AP2A1: variants seen among roughly 807,000 people sequenced by gnomAD.
AP2A1 encodes the protein adaptor related protein complex 2 subunit alpha 1.
A neutral mutation model predicts 107.3 loss-of-function variants in AP2A1; 21 were observed. The ratio of observed to expected loss-of-function variants is 0.20; its 90% CI spans 0.14 to 0.28. The LOEUF is 0.28. Among genes scored for constraint, AP2A1 ranks in the 10% least tolerant of loss-of-function variants. The pLI is 1.00. For synonymous variants in AP2A1, 602 were observed against 564.8 expected (o/e 1.07, Z -0.93); for missense variants, 873 against 1,307.7 (o/e 0.67, Z 5.13).
intron 1 of AP2A1, among the ~76,000 whole-genome samples, chr19:49,775,321 A>T (rs773220061): frequency 6.6e-6 from 1 of 152,130 alleles, no homozygotes; most frequent in Non-Finnish European, 1.5e-5. Flanking sequence ...TCAGTGTGTA[A>T]CCAGTGTTTT....
intron 1 of AP2A1, among the ~76,000 whole-genome samples, chr19:49,769,851 A>G (rs764269825): frequency 6.6e-6 from 1 of 152,048 alleles, no homozygotes; most frequent in Non-Finnish European, 1.5e-5. Context: ...CAGGGTGAGA[A>G]GGGACTGGTG....
chr19:49,794,191 C>T (rs575256114), intron 6 of AP2A1, among the ~76,000 whole-genome samples: 150 of 150,978 alleles, frequency 9.9e-4, no homozygotes, highest in Non-Finnish European at 1.8e-3. Flanking sequence ...TGAGCCACTG[C>T]GCCTGGCCCA....
chr19:49,803,002 ATAAG>A lies in AP2A1; in HGVS notation c.2170_2171+2del. On this transcript the variant is annotated splice_donor_variant and coding_sequence_variant, in exon 16 of 23. Transcript: ENST00000354293. LOFTEE classifies it high-confidence loss of function. Reference sequence around the variant, plus strand: ...ATTCCGGAAGCCGATGAGTTGCTGAATAAGTGAGTCCTGGGAGTGGTGGGGGAGG... The same window carrying A: ...ATTCCGGAAGCCGATGAGTTGCTGAATGAGTCCTGGGAGTGGTGGGGGAGG... 1 of 1,613,752 alleles carries A rather than the reference ATAAG, an allele frequency of 6.2e-7. No homozygotes were observed. Among genetic ancestry groups the A allele is most frequent in the Non-Finnish European group, 8.5e-7 (1 of 1,179,804 alleles).
intron 7 of AP2A1, 111 bp downstream of exon 7, chr19:49,795,849 C>T: frequency 1.1e-6 from 1 of 872,160 alleles, no homozygotes; most frequent in Non-Finnish European, 1.8e-6. Context: ...CAGGATTTCT[C>T]TGAAGCTGGG....
chr19:49,782,427 G>C, intron 3 of AP2A1, 104 bp from the exon 4 acceptor site: 13 of 1,264,620 alleles, frequency 1.0e-5, no homozygotes, highest in Non-Finnish European at 1.4e-5. Context: ...CTGGACTCCT[G>C]GGTCTGAGGT....
chr19:49,790,218 T>C (rs2073124976), intron 4 of AP2A1, among the ~76,000 whole-genome samples: 1 of 152,188 alleles, frequency 6.6e-6, no homozygotes, highest in African/African-American at 2.4e-5. Context: ...CCTGCTTTCC[T>C]TGGCTCGTGG....
intron 1 of AP2A1, 38 bp downstream of exon 1, chr19:49,767,238 A>G (rs1568571283): frequency 2.1e-5 from 32 of 1,531,694 alleles, no homozygotes; most frequent in Admixed American, 1.0e-4. Flanking sequence ...GACGCGGGGG[A>G]GGGGGGAGCG....
intron 1 of AP2A1, among the ~76,000 whole-genome samples, chr19:49,769,002 C>T (rs1401336977): frequency 6.6e-6 from 1 of 152,158 alleles, no homozygotes. Flanking sequence ...GTCATCCCAG[C>T]ACTTTGGGGG....
intron 4 of AP2A1, among the ~76,000 whole-genome samples, chr19:49,784,142 A>G (rs911254262): frequency 6.6e-6 from 1 of 152,260 alleles, no homozygotes; most frequent in Non-Finnish European, 1.5e-5. Flanking sequence ...GAAATAAAAC[A>G]GAAGGCCGGG....
At chr19:49,778,633 C>T (rs1263479980) in intron 1 of AP2A1, among the ~76,000 whole-genome samples, 1 of 151,972 alleles carries the variant, frequency 6.6e-6, no homozygotes, top group African/African-American at 2.4e-5. Flanking sequence ...TGTAGGCAAC[C>T]GTGACTCAGT....
chr19:49,785,990 G>A lies in AP2A1; in HGVS notation c.473+3266G>A, dbSNP rs2084732464. Among the ~76,000 whole-genome samples the A allele has an allele frequency of 6.6e-6, 1 of 152,090 alleles. No individual in the cohort carries two copies. Among genetic ancestry groups the A allele is most frequent in the Non-Finnish European group, 1.5e-5 (1 of 68,016 alleles). On this transcript the variant is annotated intron_variant, in intron 4 of 22. Transcript: ENST00000354293. The surrounding 1 kb of genome is among the most constrained non-coding windows in gnomAD (Gnocchi z 4.1). ...AGCTACTCAGGAGGCTGAGGCAGGA[G>A]AATCGCATAAACCCGGGGGGCAGAG...
At chr19:49,803,441 C>G in intron 18 of AP2A1, 65 bp downstream of exon 18, 1 of 1,362,914 alleles carries the variant, frequency 7.3e-7, no homozygotes, top group Non-Finnish European at 1.0e-6. Context: ...CGTGGGGAAG[C>G]CGGCTGACCC....
Position 49,802,020 on chromosome 19 carries a change from G to A in AP2A1, c.1993G>A (p.Ala665Thr). Residue 665 changes from alanine to threonine, a missense_variant, in exon 15 of 23, where the codon GCA becomes ACA. Coordinates refer to ENST00000354293, the MANE Select transcript of AP2A1 (RefSeq NM_130787.3). ...CTCCGCCGACCTCCTGGGGCTGCGGGCAGCCCCTCCCCCGGCAGCACCCCC... is the reference window on the plus strand; with the variant it reads ...CTCCGCCGACCTCCTGGGGCTGCGGACAGCCCCTCCCCCGGCAGCACCCCC... ...SPSADLLGLR[A>T]APPPAAPPAS... 6.4e-7 allele frequency: 1 copy of A among 1,558,736 alleles called. No individual in the cohort carries two copies.
chr19:49,776,634 G>A (rs1373950155), intron 1 of AP2A1, among the ~76,000 whole-genome samples: 2 of 93,204 alleles, frequency 2.1e-5, no homozygotes, highest in African/African-American at 3.8e-5. Flanking sequence ...CATTCCCCCT[G>A]TTGCTGGCCC....
At chr19:49,787,356 T>TTTTTTTTTTTTTG (rs2084754148) in intron 4 of AP2A1, among the ~76,000 whole-genome samples, 1 of 126,690 alleles carries the variant, frequency 7.9e-6, no homozygotes, top group Non-Finnish European at 1.6e-5. Flanking sequence ...TGTTTTTTGT[T>TTTTTTTTTTTTTG]TTTTTTTTTT....
rs956804227 is a variant in AP2A1, at chr19:49,793,898, CTTTTTTTTTTT to C, written c.705+823_705+833del. On this transcript the variant is annotated intron_variant, in intron 6 of 22. Transcript: ENST00000354293. ...CAGCTCGTGCATCCACTCATTGTTT[CTTTTTTTTTTT>C]TTTTTTTTTTTTTTTTGAGACGGAG... 1.2e-3 allele frequency among the ~76,000 whole-genome samples: 92 copies of C among 74,582 alleles called. 2 individuals carry two copies. In the Middle Eastern group the frequency reaches 0.029, roughly 23 times the overall value. 48.9% of individuals were successfully genotyped at this position (74,582 alleles called of 152,430 possible). A position where few individuals can be genotyped will look rare whatever the true frequency, so the allele number is the denominator to read the frequency against.
In AP2A1 at chr19:49,788,686, A is replaced by G. The variant is rs985010860; in HGVS notation, c.474-3249A>G. On this transcript the variant is annotated intron_variant, in intron 4 of 22. Transcript: ENST00000354293. The surrounding 1 kb of genome is among the most constrained non-coding windows in gnomAD (Gnocchi z 4.5). Reference sequence around the variant, plus strand: ...CATGACAGAGATGGGAAGGTGGCCCAGAGTCAGGGCTCGGGAGATGCGCGC... The same window carrying G: ...CATGACAGAGATGGGAAGGTGGCCCGGAGTCAGGGCTCGGGAGATGCGCGC... Among the ~76,000 whole-genome samples the G allele has an allele frequency of 6.8e-6, 1 of 146,854 alleles. No homozygotes were observed. Among genetic ancestry groups the G allele is most frequent in the Non-Finnish European group, 1.5e-5 (1 of 66,952 alleles).
At chr19:49,795,605 C>CAA in intron 6 of AP2A1, 25 bp from the exon 7 acceptor site, 1 of 812,236 alleles carries the variant, frequency 1.2e-6, no homozygotes, top group Non-Finnish European at 1.9e-6. Context: ...CAGCCCCCAA[C>CAA]TTATTTCTTG....
chr19:49,787,325 G>C (rs2084749241), intron 4 of AP2A1, among the ~76,000 whole-genome samples: 1 of 133,624 alleles, frequency 7.5e-6, no homozygotes, highest in African/African-American at 3.0e-5. Context: ...TCCCATCTAG[G>C]CTTTTTTTGT....
Sources: gnomAD v4.1 joint callset for allele counts (sites outside exome capture counted in the v4.1 genomes callset) on GRCh38, gnomAD v4.1.1 for gene constraint, Gnocchi (gnomAD v3.1) non-coding constraint, MANE v1.5 for transcripts, NCBI Gene and HGNC (gene_info 2026-07-23, HGNC 2026-07-21) for gene names.